Variants in COL11A1 observed in about 807,000 individuals in gnomAD.
COL11A1 encodes collagen alpha-1(XI) chain.
COL11A1 carries 74 observed loss-of-function variants against 265.2 expected under a neutral mutation model. The ratio of observed to expected loss-of-function variants is 0.28; its 90% CI spans 0.23 to 0.34. The LOEUF is 0.34. Ranked by LOEUF, COL11A1 falls within the 10% of genes least tolerant of loss-of-function variation. COL11A1 has a pLI of 1.00. For missense variants in COL11A1, 2,165 were observed against 2,263.6 expected (o/e 0.96, Z 0.88); for synonymous variants, 816 against 727.6 (o/e 1.12, Z -1.96).
At chr1:103,071,702 G>A (rs1306020328) in intron 4 of COL11A1, among the ~76,000 whole-genome samples, 1 of 151,278 alleles carries the variant, frequency 6.6e-6, no homozygotes, top group Non-Finnish European at 1.5e-5. Context: ...AGGGACCCAC[G>A]AGGACTTCTG....
chr1:102,930,636 T>C (rs1657294223), intron 46 of COL11A1, among the ~76,000 whole-genome samples: 1 of 152,354 alleles, frequency 6.6e-6, no homozygotes, highest in Non-Finnish European at 1.5e-5. Context: ...TCCCTCTTTT[T>C]CTGTTGATTG....
intron 46 of COL11A1, 139 bp from the exon 47 acceptor site, chr1:102,923,528 A>G: frequency 3.0e-6 from 2 of 672,690 alleles, no homozygotes; most frequent in Non-Finnish European, 2.6e-6. Flanking sequence ...CATTTGTTAA[A>G]ATACCTACTA....
intron 50 of COL11A1, 42 bp downstream of exon 50, chr1:102,915,589 C>T (rs1432434815): frequency 6.4e-7 from 1 of 1,566,012 alleles, no homozygotes; most frequent in Non-Finnish European, 8.8e-7. Context: ...AAGAAATTCC[C>T]AAACCAATAA....
At chr1:102,934,060 C>A (rs1206656274) in intron 46 of COL11A1, among the ~76,000 whole-genome samples, 1 of 151,822 alleles carries the variant, frequency 6.6e-6, no homozygotes, top group Non-Finnish European at 1.5e-5. Flanking sequence ...CTGCGTCGCT[C>A]ACGCTGGGAG....
At chr1:102,887,572 T>A (rs1651152944) in intron 62 of COL11A1, among the ~76,000 whole-genome samples, 1 of 152,122 alleles carries the variant, frequency 6.6e-6, no homozygotes, top group Non-Finnish European at 1.5e-5. Flanking sequence ...AAACTTAAAA[T>A]CAATGCAACC....
At chr1:103,074,590 T>C (rs369414261) in intron 4 of COL11A1, 28 bp downstream of exon 4, 51 of 1,611,024 alleles carry the variant, frequency 3.2e-5, no homozygotes, top group Non-Finnish European at 3.7e-5. Context: ...TTTGTCAATA[T>C]TCAGCTTAGA....
intron 4 of COL11A1, among the ~76,000 whole-genome samples, chr1:103,040,015 TA>T (rs1467724427): frequency 6.6e-6 from 1 of 151,876 alleles, no homozygotes; most frequent in East Asian, 1.9e-4. Context: ...ATAAGAAATG[TA>T]AAAAAGCATC....
chr1:102,969,140 A>T (rs970913515), intron 37 of COL11A1, among the ~76,000 whole-genome samples: 5 of 152,200 alleles, frequency 3.3e-5, no homozygotes, highest in Non-Finnish European at 7.3e-5. Context: ...ATCATATTTC[A>T]ATTTTGCTTT....
chr1:102,880,189 A>G (rs763636812), intron 65 of COL11A1, among the ~76,000 whole-genome samples: 2 of 152,192 alleles, frequency 1.3e-5, no homozygotes, highest in Non-Finnish European at 2.9e-5. Context: ...AACAGTAAAC[A>G]CTATAAAAAA....
Position 102,883,245 on chromosome 1 carries a change from G to A in COL11A1, c.4925C>T (p.Thr1642Ile), listed in dbSNP as rs1173031118. The A allele has an allele frequency of 1.4e-5, 23 of 1,613,462 alleles. No individual in the cohort carries two copies. Among genetic ancestry groups the A allele is most frequent in the African/African-American group, 2.7e-5 (2 of 74,874 alleles). The change falls in exon 64 of 67, where the codon ACA (threonine) becomes ATA (isoleucine). Residue 1642 changes from threonine (T) to isoleucine (I), a missense_variant. Physicochemically the swap from Thr to Ile is moderately conservative, Grantham distance 89. Coordinates refer to ENST00000370096, the MANE Select transcript of COL11A1 (RefSeq NM_001854.4). ...GDSFKVYCNF[T>I]SGGETCIYPD... The stretch of plus-strand genomic sequence containing the variant: ...ATAAATGCAAGTCTCACCACCAGAT[G>A]TGAAATTACAGTAAACTTTGAAGGA...
chr1:102,980,081 A>G (rs1259936245), intron 31 of COL11A1, among the ~76,000 whole-genome samples: 1 of 152,132 alleles, frequency 6.6e-6, no homozygotes, highest in Non-Finnish European at 1.5e-5. Flanking sequence ...CATCAGCTAA[A>G]TGTATCAGCT....
At position 103,083,248 on chromosome 1, in the gene COL11A1, C is replaced by CTGTGTGTGTG. The variant is rs76992260; in HGVS notation, c.107-286_107-277dup. The stretch of plus-strand genomic sequence containing the variant: ...TCTGTGTGTGTGTGTGTGTCTGTGT[C>CTGTGTGTGTG]TGTGTGTGTGTGTGTGTGCGTGTGT... On this transcript the variant is annotated intron_variant, in intron 1 of 66. Transcript: ENST00000370096. Among the ~76,000 whole-genome samples, 864 of 148,156 alleles carry CTGTGTGTGTG rather than the reference C, an allele frequency of 5.8e-3. 8 individuals are homozygous for CTGTGTGTGTG. Among genetic ancestry groups the CTGTGTGTGTG allele is most frequent in the East Asian group, 0.012 (58 of 5,012 alleles).
chr1:102,956,544 G>A (rs1234716822), intron 41 of COL11A1, among the ~76,000 whole-genome samples: 3 of 151,954 alleles, frequency 2.0e-5, no homozygotes, highest in Admixed American at 1.3e-4. Flanking sequence ...AAACAGGTAA[G>A]CAAATAACTT....
At chr1:102,914,628 T>C in intron 51 of COL11A1, 76 bp downstream of exon 51, 1 of 1,172,122 alleles carries the variant, frequency 8.5e-7, no homozygotes, top group Non-Finnish European at 1.3e-6. Context: ...AGTCTCAGGA[T>C]TTCAAATCTT....
At chr1:103,073,493 T>A (rs960781582) in intron 4 of COL11A1, among the ~76,000 whole-genome samples, 1 of 151,766 alleles carries the variant, frequency 6.6e-6, no homozygotes, top group Non-Finnish European at 1.5e-5. Flanking sequence ...TATCTGAGAG[T>A]ATATTACCAT....
intron 9 of COL11A1, among the ~76,000 whole-genome samples, chr1:103,020,938 A>T (rs1178177725): frequency 3.2e-4 from 45 of 140,796 alleles, no homozygotes; most frequent in Non-Finnish European, 5.3e-4. Flanking sequence ...TGTTCTGTCA[A>T]TGGAACAGAA....
intron 37 of COL11A1, 99 bp downstream of exon 37, chr1:102,970,120 C>T (rs1661818328): frequency 3.6e-6 from 3 of 836,602 alleles, no homozygotes; most frequent in Admixed American, 4.1e-5. Flanking sequence ...TTTTTCTCAA[C>T]CTAGTAATTG....
chr1:103,037,616 A>G (rs1668479346), intron 4 of COL11A1, among the ~76,000 whole-genome samples: 1 of 152,224 alleles, frequency 6.6e-6, no homozygotes, highest in South Asian at 2.1e-4. Context: ...AAATTTAGAT[A>G]TAACTAAAAC....
intron 44 of COL11A1, among the ~76,000 whole-genome samples, chr1:102,935,855 C>T: frequency 6.6e-6 from 1 of 152,108 alleles, no homozygotes; most frequent in East Asian, 1.9e-4. Flanking sequence ...ATTGGGAGTT[C>T]TTGATATGCT....
Sources: gnomAD v4.1 joint callset for allele counts (sites outside exome capture counted in the v4.1 genomes callset) on GRCh38, gnomAD v4.1.1 for gene constraint, MANE v1.5 for transcripts, NCBI Gene and HGNC (gene_info 2026-07-23, HGNC 2026-07-21) for gene names.